MORC3: variants seen among roughly 807,000 people sequenced by gnomAD.
MORC3 encodes the protein MORC family CW-type zinc finger protein 3.
MORC3 carries 31 observed loss-of-function variants against 109.1 expected under a neutral mutation model. The ratio of observed to expected loss-of-function variants is 0.28; its 90% CI spans 0.21 to 0.38. MORC3 has a LOEUF of 0.38. Ranked by LOEUF, MORC3 falls within the 10% of genes least tolerant of loss-of-function variation. The pLI is 1.00. For synonymous variants in MORC3, 395 were observed against 380.7 expected (o/e 1.04, Z -0.44); for missense variants, 867 against 1,135.8 (o/e 0.76, Z 3.40).
rs115158563 is a variant in MORC3 at position 36,325,027 on chromosome 21, G to T, written c.39+4724G>T. 6.2e-3 allele frequency among the ~76,000 whole-genome samples: 940 copies of T among 152,242 alleles called. 9 individuals carry two copies. The highest frequency in any genetic ancestry group is 0.022 in the African/African-American group (905 of 41,560). ...CCTGGCAGCCTTCTCACATTTTTAA[G>T]TGAGACACTTAAAGCTGACTGCAAA... On this transcript the variant is annotated intron_variant, in intron 1 of 16. Transcript: ENST00000400485.
intron 1 of MORC3, among the ~76,000 whole-genome samples, chr21:36,327,323 A>AT (rs1005211949): frequency 8.7e-5 from 13 of 149,514 alleles, no homozygotes; most frequent in African/African-American, 2.7e-4. Flanking sequence ...CACCTGGCTA[A>AT]TTTTTTTGGC....
intron 1 of MORC3, among the ~76,000 whole-genome samples, chr21:36,323,765 A>T (rs533002956): frequency 1.2e-4 from 19 of 152,052 alleles, no homozygotes; most frequent in Admixed American, 5.9e-4. Context: ...AAATGTTCTT[A>T]CTTATTTTGA....
intron 16 of MORC3, 34 bp from the exon 17 acceptor site, chr21:36,375,109 G>A (rs1348469918): frequency 3.8e-6 from 6 of 1,578,304 alleles, no homozygotes; most frequent in African/African-American, 1.4e-5. Flanking sequence ...AACTTGTAAT[G>A]CTCATCTAAT....
intron 10 of MORC3, 56 bp from the exon 11 acceptor site, chr21:36,359,899 T>C: frequency 6.3e-7 from 1 of 1,590,884 alleles, no homozygotes; most frequent in Non-Finnish European, 8.6e-7. Context: ...GAACATCTGA[T>C]GAAGTATTTA....
chr21:36,344,177 G>T (rs2085482830), intron 6 of MORC3, among the ~76,000 whole-genome samples: 1 of 152,024 alleles, frequency 6.6e-6, no homozygotes, highest in South Asian at 2.1e-4. Context: ...CCCCACACTG[G>T]AGTGCAGTGG....
chr21:36,370,374 A>G (rs2085841364), intron 15 of MORC3, among the ~76,000 whole-genome samples: 1 of 152,044 alleles, frequency 6.6e-6, no homozygotes, highest in East Asian at 1.9e-4. Context: ...TGAGATGTGC[A>G]TTCCTGAAAA....
intron 9 of MORC3, among the ~76,000 whole-genome samples, chr21:36,354,927 CT>C (rs375877546): frequency 0.01 from 1,539 of 152,164 alleles, 18 homozygotes; most frequent in African/African-American, 0.035. Context: ...TGCCCTCTAC[CT>C]TTTTTTTCCT....
chr21:36,327,635 T>C (rs2898284), intron 1 of MORC3, among the ~76,000 whole-genome samples: 109,519 of 150,892 alleles, frequency 0.73, 41,104 homozygotes, highest in East Asian at 1. Context: ...TGACTGACAT[T>C]AGGTTACTTT....
intron 1 of MORC3, among the ~76,000 whole-genome samples, chr21:36,326,274 A>G (rs2085247130): frequency 6.6e-6 from 1 of 152,084 alleles, no homozygotes; most frequent in Admixed American, 6.6e-5. Flanking sequence ...CTGTAATCCC[A>G]GCACTTTGGG....
intron 14 of MORC3, among the ~76,000 whole-genome samples, chr21:36,366,730 C>G (rs2085786037): frequency 6.6e-6 from 1 of 152,206 alleles, no homozygotes; most frequent in African/African-American, 2.4e-5. Context: ...GCTGGGATTA[C>G]AGGCGTGAGC....
At chr21:36,347,490 C>G (rs929371789) in intron 8 of MORC3, among the ~76,000 whole-genome samples, 34 of 152,186 alleles carry the variant, frequency 2.2e-4, no homozygotes, top group Admixed American at 2.2e-3. Context: ...AGCTAAATTA[C>G]AATGTTTATC....
chr21:36,333,936 C>A (rs1051018609), intron 2 of MORC3, among the ~76,000 whole-genome samples: 1 of 151,964 alleles, frequency 6.6e-6, no homozygotes, highest in African/African-American at 2.4e-5. Flanking sequence ...GCACCTGCCA[C>A]CACGACCAGC....
chr21:36,365,051 CAAAAAAAAAA>C (rs72445251), intron 14 of MORC3, among the ~76,000 whole-genome samples: 1 of 94,430 alleles, frequency 1.1e-5, no homozygotes, highest in African/African-American at 4.2e-5. Context: ...GACTCCATCT[CAAAAAAAAAA>C]AAAAAAAAAC....
rs1285197399 is a variant in MORC3, at chr21:36,344,892, A to C, written c.886-20A>C. 1 of 1,609,196 alleles carries C rather than the reference A, an allele frequency of 6.2e-7. No individual in the cohort carries two copies. Among genetic ancestry groups the C allele is most frequent in the Non-Finnish European group, 8.5e-7 (1 of 1,178,854 alleles). On this transcript the variant is annotated intron_variant, in intron 7 of 16. Coordinates refer to ENST00000400485, the MANE Select transcript of MORC3 (RefSeq NM_015358.3). ...AACTGAGTGAGGTGTTGTGTTCAAAATTTACCTTAATATTTTAAGTCTAAA... is the reference window on the plus strand; with the variant it reads ...AACTGAGTGAGGTGTTGTGTTCAAACTTTACCTTAATATTTTAAGTCTAAA...
chr21:36,370,639 ATTTTTTTTTTTTTTTTTTTT>A (rs869169013), intron 15 of MORC3, among the ~76,000 whole-genome samples: 3 of 37,568 alleles, frequency 8.0e-5, no homozygotes, highest in Admixed American at 8.1e-4. Context: ...ATATATATAT[ATTTTTTTTTTTTTTTTTTTT>A]TTTTTTTTTT....
Position 36,333,775 on chromosome 21 carries a change from TTTTGTTTTGTTTTG to T in MORC3, c.112+61_112+74del, listed in dbSNP as rs2085341584. ...TTGCTTACAATTGTAGTGTTTTTTT[TTTTGTTTTGTTTTG>T]TTTTTTTTTTTTAAACAGAGTCTCT... On this transcript the variant is annotated intron_variant, in intron 2 of 16. Transcript: ENST00000400485. The T allele has an allele frequency of 1.8e-5, 24 of 1,314,818 alleles. No individual in the cohort carries two copies. In the African/African-American group the frequency reaches 2.5e-4, roughly 14 times the overall value. The allele number at this position is 1,314,818 out of a possible 1,614,324, so 81.4% of individuals were successfully genotyped here.
At chr21:36,337,639 T>G (rs773670828) in intron 3 of MORC3, 93 bp from the exon 4 acceptor site, 3 of 880,524 alleles carry the variant, frequency 3.4e-6, no homozygotes, top group Non-Finnish European at 4.8e-6. Context: ...GTATTACAAT[T>G]AATGAATTAA....
At position 36,344,061 on chromosome 21, in the gene MORC3, G is replaced by A. The variant is rs190512263; in HGVS notation, c.757-518G>A. On this transcript the variant is annotated intron_variant, in intron 6 of 16. Transcript: ENST00000400485. ...TACAGTGTTTTTTAAATGACGCAAAGCACCACTTCTTTTGAAATCAAGAGT... is the reference window on the plus strand; with the variant it reads ...TACAGTGTTTTTTAAATGACGCAAAACACCACTTCTTTTGAAATCAAGAGT... Among the ~76,000 whole-genome samples, 286 of 152,126 alleles carry A rather than the reference G, an allele frequency of 1.9e-3. 1 individual carries two copies. Among genetic ancestry groups the A allele is most frequent in the African/African-American group, 6.3e-3 (260 of 41,498 alleles).
Position 36,369,111 on chromosome 21 carries a change from A to G in MORC3, c.1743A>G (p.Glu581=). ...ATGATGAAGATGTCATCATCTTAGAAGAAAACAGTACCCCCAAACCTGCAG... is the reference window on the plus strand; with the variant it reads ...ATGATGAAGATGTCATCATCTTAGAGGAAAACAGTACCCCCAAACCTGCAG... ...DDDDEDVIIL[E]ENSTPKPAVD... is the part of the protein sequence containing the mutation. Residue 581 remains glutamate, a synonymous_variant, in exon 15 of 17, where the codon GAA becomes GAG. Coordinates refer to ENST00000400485, the MANE Select transcript of MORC3 (RefSeq NM_015358.3). The G allele has an allele frequency of 1.9e-6, 3 of 1,614,158 alleles. No individual in the cohort carries two copies. Among genetic ancestry groups the G allele is most frequent in the Non-Finnish European group, 2.5e-6 (3 of 1,180,036 alleles).
Sources: gnomAD v4.1 joint callset for allele counts (sites outside exome capture counted in the v4.1 genomes callset) on GRCh38, gnomAD v4.1.1 for gene constraint, MANE v1.5 for transcripts, NCBI Gene and HGNC (gene_info 2026-07-23, HGNC 2026-07-21) for gene names.